FCSK: variants seen among roughly 807,000 people sequenced by gnomAD.
FCSK encodes the protein fucose kinase.
In FCSK, 123 loss-of-function variants were observed where a neutral mutation model predicts 122.5. The observed-to-expected ratio is 1.00, with a 90% confidence interval of 0.87 to 1.17. The LOEUF (loss-of-function observed/expected upper bound fraction) is 1.17. Among genes scored for constraint, FCSK ranks in the 50% most tolerant of loss-of-function variants. The pLI, the probability that FCSK is intolerant of heterozygous loss-of-function variation, is 0.00. For synonymous variants in FCSK, 620 were observed against 625.5 expected, an observed-to-expected ratio of 0.99 and a Z score of 0.13; for missense variants, 1,366 against 1,450.4, an observed-to-expected ratio of 0.94 and a Z score of 0.95.
Position 70,474,303 on chromosome 16 carries a change from A to C in FCSK, c.1952A>C (p.Glu651Ala). ...TGTGGAGACCTGGCAGCGGGCGTGG[A>C]GGCGCTTGCCCAGGAGAGGGACAAG... ...LECGDLAAGV[E>A]ALAQERDKWL... Residue 651 changes from glutamate to alanine, a missense_variant, in exon 16 of 24, where the codon GAG (glutamate) becomes GCG (alanine). Transcript: ENST00000288078. 6.2e-7 allele frequency: 1 copy of C among 1,613,598 alleles called. No individual in the cohort carries two copies. The highest frequency in any genetic ancestry group is 1.7e-5 in the Admixed American group (1 of 59,990).
chr16:70,479,890 C>T lies in FCSK; in HGVS notation c.*210C>T, dbSNP rs1167681867. 4.0e-6 allele frequency: 2 copies of T among 505,406 alleles called. No individual in the cohort carries two copies. The highest frequency in any genetic ancestry group is 7.1e-6 in the Non-Finnish European group (2 of 282,772). 31.3% of individuals were successfully genotyped at this position (505,406 alleles called of 1,614,324 possible). Reference sequence around the variant, plus strand: ...AGGGGCCTAGATGTAGCCTCTGTTCCTCCTGGACATAGGAAGGTCCCAAGC... The same window carrying T: ...AGGGGCCTAGATGTAGCCTCTGTTCTTCCTGGACATAGGAAGGTCCCAAGC... On this transcript the variant is annotated 3_prime_UTR_variant, in exon 24 of 24. Coordinates refer to ENST00000288078, the MANE Select transcript of FCSK (RefSeq NM_145059.3).
At chr16:70,472,502 T>G in intron 13 of FCSK, 39 bp from the exon 14 acceptor site, 1 of 1,554,188 alleles carries the variant, frequency 6.4e-7, no homozygotes. Flanking sequence ...CCCTTTCCTG[T>G]GGCCCCTGCA....
At chr16:70,460,867 G>A (rs2048244702) in intron 1 of FCSK, among the ~76,000 whole-genome samples, 2 of 152,212 alleles carry the variant, frequency 1.3e-5, no homozygotes, top group Admixed American at 6.6e-5. Context: ...AGCTGGGGGC[G>A]TCTGTTAGTT....
At position 70,471,045 on chromosome 16, in the gene FCSK, G is replaced by A. The variant is rs1368006209; in HGVS notation, c.1143G>A (p.Gly381=). 3 of 1,602,916 alleles carry A rather than the reference G, an allele frequency of 1.9e-6. No homozygotes were observed. Among genetic ancestry groups the A allele is most frequent in the Non-Finnish European group, 2.5e-6 (3 of 1,177,032 alleles). The change falls in exon 12 of 24, where the codon GGG becomes GGA. Residue 381 remains glycine (G), a synonymous_variant. Coordinates refer to ENST00000288078, the MANE Select transcript of FCSK (RefSeq NM_145059.3). ...AGGGCCCTGTCCAGCTGGGTCCTGG[G>A]AGCGTCCTGCAGCACTGCCACCTGC... ...LLEGPVQLGP[G]SVLQHCHLQG...
chr16:70,463,653 T>A lies in FCSK; in HGVS notation c.113T>A (p.Ile38Asn). Residue 38 changes from isoleucine to asparagine, a missense_variant, in exon 3 of 24, where the codon ATC (isoleucine) becomes AAC (asparagine). Coordinates refer to ENST00000288078, the MANE Select transcript of FCSK (RefSeq NM_145059.3). ...ELEVRQKREQ[I>N]PAGTLLLAVE... ...GAAGTGCGGCAGAAGCGGGAGCAGATCCCTGCTGGGACGCTGTTACTGGCC... is the reference window on the plus strand; with the variant it reads ...GAAGTGCGGCAGAAGCGGGAGCAGAACCCTGCTGGGACGCTGTTACTGGCC... 2 of 1,613,452 alleles carry A rather than the reference T, an allele frequency of 1.2e-6. No homozygotes were observed. The highest frequency in any genetic ancestry group is 1.7e-6 in the Non-Finnish European group (2 of 1,180,020).
intron 1 of FCSK, among the ~76,000 whole-genome samples, chr16:70,456,228 T>C (rs1012083428): frequency 6.6e-6 from 1 of 152,206 alleles, no homozygotes; most frequent in Admixed American, 6.5e-5. Flanking sequence ...ATTAAAGCAA[T>C]GGCAAAAGCC....
chr16:70,479,120 C>A, intron 22 of FCSK, 60 bp from the exon 23 acceptor site: 1 of 1,312,060 alleles, frequency 7.6e-7, no homozygotes, highest in Non-Finnish European at 1.1e-6. Context: ...TTCATGCAAT[C>A]TCCAGATGGG....
rs1042690143 is a variant in FCSK, at chr16:70,468,864, T to G, written c.679T>G (p.Phe227Val). The change falls in exon 9 of 24, where the codon TTC (phenylalanine) becomes GTC (valine). Residue 227 changes from phenylalanine (F) to valine (V), a missense_variant. By Grantham distance (50) the Phe-to-Val change is conservative. Coordinates refer to ENST00000288078, the MANE Select transcript of FCSK (RefSeq NM_145059.3). ...TCCCTTCCAGGTCTCTGGGGTTGTCTTCTTCTCTGTGGAGACTGCCGAGCG... is the reference window on the plus strand; with the variant it reads ...TCCCTTCCAGGTCTCTGGGGTTGTCGTCTTCTCTGTGGAGACTGCCGAGCG... ...GRVPLVSGVV[F>V]FSVETAERLL... 1.2e-6 allele frequency: 2 copies of G among 1,614,022 alleles called. No individual in the cohort carries two copies. Among genetic ancestry groups the G allele is most frequent in the African/African-American group, 1.3e-5 (1 of 75,030 alleles).
Position 70,466,882 on chromosome 16 carries a change from C to G in FCSK, c.412C>G (p.Leu138Val). The change falls in exon 6 of 24, where the codon CTG becomes GTG. Residue 138 changes from leucine to valine, a missense_variant and splice_region_variant. Leu to Val is a conservative substitution (Grantham distance 32, BLOSUM62 1). Transcript: ENST00000288078. The stretch of plus-strand genomic sequence containing the variant: ...GTGTTCTGTCTCCTTCCCCCCACAG[C>G]TGGGCCCGGGCTCCCCGCCAGGCGT... ...DCLLDIMTYRLGPGSPPGVWV... is the reference protein window; with the variant it reads ...DCLLDIMTYRVGPGSPPGVWV... 6.2e-7 allele frequency: 1 copy of G among 1,613,026 alleles called. No homozygotes were observed. Among genetic ancestry groups the G allele is most frequent in the Non-Finnish European group, 8.5e-7 (1 of 1,179,668 alleles).
rs2048537570 is a variant in FCSK at position 70,469,380 on chromosome 16, A to G, written c.955+57A>G. Reference sequence around the variant, plus strand: ...GGAGACCATGGGAGTGAGGACCCCAAGAATGGAGCTGCTCACTGCATGCTG... The same window carrying G: ...GGAGACCATGGGAGTGAGGACCCCAGGAATGGAGCTGCTCACTGCATGCTG... On this transcript the variant is annotated intron_variant, in intron 10 of 23. Coordinates refer to ENST00000288078, the MANE Select transcript of FCSK (RefSeq NM_145059.3). 8 of 1,491,546 alleles carry G rather than the reference A, an allele frequency of 5.4e-6. No individual in the cohort carries two copies. In the South Asian group the frequency reaches 9.0e-5, roughly 17 times the overall value. 92.4% of individuals were successfully genotyped at this position (1,491,546 alleles called of 1,614,324 possible). A position where few individuals can be genotyped will look rare whatever the true frequency, so the allele number is the denominator to read the frequency against.
rs773173089 is a variant in FCSK, at chr16:70,470,423, G to A, written c.1065G>A (p.Val355=). 22 of 1,602,958 alleles carry A rather than the reference G, an allele frequency of 1.4e-5. No individual in the cohort carries two copies. Among genetic ancestry groups the A allele is most frequent in the Non-Finnish European group, 1.7e-5 (20 of 1,170,996 alleles). ...GGGCCCAGATTGTGCACTCCCAGGT[G>A]GAGGTGAGACCTCCCTGCCCCTCCG... is the stretch of plus-strand genomic sequence containing the variant. ...APGAQIVHSQ[V]EEQQLLAAGS... is the part of the protein sequence containing the mutation. The change falls in exon 11 of 24, where the codon GTG becomes GTA. Residue 355 remains valine (V), a synonymous_variant. Transcript: ENST00000288078.
At position 70,474,424 on chromosome 16, in the gene FCSK, G is replaced by A. The variant is rs1404089748; in HGVS notation, c.1988+85G>A. On this transcript the variant is annotated intron_variant, in intron 16 of 23. Transcript: ENST00000288078. ...CCTGATGGAGGAAACCCAGAGAGAG[G>A]TGGGGCTCCCTTGGGTACCCCGGGA... is the stretch of plus-strand genomic sequence containing the variant. 6 of 1,553,024 alleles carry A rather than the reference G, an allele frequency of 3.9e-6. No homozygotes were observed. In the East Asian group the frequency reaches 7.2e-5, roughly 19 times the overall value.
At chr16:70,477,598 C>G (rs2048857154) in intron 20 of FCSK, 1 of 152,276 alleles carries the variant, frequency 6.6e-6, no homozygotes. Flanking sequence ...GACCTTCCTT[C>G]CAACATAAAC....
In FCSK at chr16:70,466,253, A is replaced by G. The variant is rs1397394931; in HGVS notation, c.407A>G (p.Tyr136Cys). The G allele has an allele frequency of 8.7e-6, 14 of 1,613,880 alleles. No homozygotes were observed. Among genetic ancestry groups the G allele is most frequent in the South Asian group, 1.1e-5 (1 of 91,064 alleles). The change falls in exon 5 of 24, where the codon TAT (tyrosine) becomes TGT (cysteine). Residue 136 changes from tyrosine to cysteine, a missense_variant. Tyr to Cys is a radical substitution (Grantham distance 194, BLOSUM62 -2). Coordinates refer to ENST00000288078, the MANE Select transcript of FCSK (RefSeq NM_145059.3). ...GACTGCCTGCTGGACATCATGACCT[A>G]TCGGGTGAGGCTGGGTGGTGGCCCG... ...NLDCLLDIMT[Y>C]RLGPGSPPGV...
At chr16:70,459,906 A>G (rs1178306443) in intron 1 of FCSK, among the ~76,000 whole-genome samples, 1 of 150,556 alleles carries the variant, frequency 6.6e-6, no homozygotes, top group Non-Finnish European at 1.5e-5. Flanking sequence ...GGTTGAAGTG[A>G]TTCTCCTGTC....
intron 1 of FCSK, among the ~76,000 whole-genome samples, chr16:70,460,649 C>T (rs1311610388): frequency 6.6e-6 from 1 of 152,140 alleles, no homozygotes. Context: ...GTGATCTGCC[C>T]GCCTTGGCCT....
At chr16:70,468,017 G>C in intron 8 of FCSK, 51 bp downstream of exon 8, 1 of 1,396,858 alleles carries the variant, frequency 7.2e-7, no homozygotes, top group Non-Finnish European at 1.0e-6. Flanking sequence ...TATGGGACAG[G>C]GAGGGAGGGT....
At chr16:70,468,423 C>T (rs1363984439) in intron 8 of FCSK, among the ~76,000 whole-genome samples, 1 of 152,136 alleles carries the variant, frequency 6.6e-6, no homozygotes, top group Non-Finnish European at 1.5e-5. Flanking sequence ...CTGAATCAAT[C>T]CCCTGCCCGC....
chr16:70,468,545 C>T (rs2048500260), intron 8 of FCSK, among the ~76,000 whole-genome samples: 1 of 152,154 alleles, frequency 6.6e-6, no homozygotes, highest in Non-Finnish European at 1.5e-5. Context: ...AGCCAGACTC[C>T]GGGAATGCTT....
Sources: allele counts gnomAD v4.1 joint callset (sites outside exome capture counted in the v4.1 genomes callset), GRCh38; gene constraint gnomAD v4.1.1; transcripts MANE v1.5; gene names NCBI Gene and HGNC (gene_info 2026-07-23, HGNC 2026-07-21).